Variants in BMPR1B observed in about 807,000 individuals in gnomAD.
BMPR1B encodes the protein bone morphogenetic protein receptor type-1B.
A neutral mutation model predicts 59.1 loss-of-function variants in BMPR1B; 12 were observed. The observed-to-expected ratio is 0.20, with a 90% CI of 0.13 to 0.33. BMPR1B has a LOEUF of 0.33. BMPR1B is among the 10% of genes least tolerant of loss of function. BMPR1B has a pLI of 1.00. For missense variants in BMPR1B, 550 were observed against 610.9 expected (o/e 0.90, Z 1.05); for synonymous variants, 237 against 207.3 (o/e 1.14, Z -1.23).
intron 2 of BMPR1B, among the ~76,000 whole-genome samples, chr4:94,951,904 G>C (rs908202940): frequency 6.6e-6 from 1 of 152,016 alleles, no homozygotes; most frequent in Middle Eastern, 3.2e-3. Flanking sequence ...TTTTTGGTTG[G>C]TAGGGTATTA....
chr4:94,810,435 CT>C (rs1723769361), intron 1 of BMPR1B, among the ~76,000 whole-genome samples: 1 of 151,934 alleles, frequency 6.6e-6, no homozygotes, highest in African/African-American at 2.4e-5. Flanking sequence ...TAATGATTTT[CT>C]GGAATTAAAA....
chr4:94,968,068 A>G (rs1434871726), intron 2 of BMPR1B, among the ~76,000 whole-genome samples: 2 of 152,194 alleles, frequency 1.3e-5, no homozygotes, highest in Non-Finnish European at 1.5e-5. Context: ...CTATGCTTGT[A>G]ACTTTACATT....
chr4:94,883,837 T>C (rs1727070839), intron 2 of BMPR1B, among the ~76,000 whole-genome samples: 1 of 152,176 alleles, frequency 6.6e-6, no homozygotes, highest in Non-Finnish European at 1.5e-5. Flanking sequence ...GCTCAAAGTT[T>C]CACAAGTAGA....
At chr4:95,059,987 T>G (rs2149202688) in intron 3 of BMPR1B, among the ~76,000 whole-genome samples, 1 of 152,352 alleles carries the variant, frequency 6.6e-6, no homozygotes, top group South Asian at 2.1e-4. Context: ...GAGCACTGGC[T>G]GAGCACTTGC....
At chr4:95,095,130 T>G (rs967935352) in intron 3 of BMPR1B, among the ~76,000 whole-genome samples, 1 of 151,884 alleles carries the variant, frequency 6.6e-6, no homozygotes, top group Non-Finnish European at 1.5e-5. Flanking sequence ...AATGGTTAGG[T>G]GATGAAAATG....
At chr4:95,000,768 A>G (rs1437273861) in intron 3 of BMPR1B, among the ~76,000 whole-genome samples, 3 of 152,216 alleles carry the variant, frequency 2.0e-5, no homozygotes, top group Non-Finnish European at 4.4e-5. Flanking sequence ...AAACACTACC[A>G]GCAGCACCAA....
At chr4:95,150,454 G>GAAAAAAAAAAAA (rs67483429) in intron 11 of BMPR1B, among the ~76,000 whole-genome samples, 1 of 130,898 alleles carries the variant, frequency 7.6e-6, no homozygotes, top group Non-Finnish European at 1.7e-5. Flanking sequence ...TATTTAAAAA[G>GAAAAAAAAAAAA]AAAAAAAAAA....
rs575185818 is a variant in BMPR1B, at chr4:95,072,698, T to C, written c.-17-31710T>C. Among the ~76,000 whole-genome samples the C allele has an allele frequency of 6.1e-4, 93 of 152,332 alleles. 3 individuals are homozygous for C. The highest frequency in any genetic ancestry group is 2.1e-3 in the African/African-American group (88 of 41,584). ...AGCCATTAAGAAAACTACATACTTA[T>C]GTTTTAGTTTTATCCTTTTTACATT... On this transcript the variant is annotated intron_variant, in intron 3 of 12. Transcript: ENST00000515059.
At chr4:95,005,351 T>C (rs1295035220) in intron 3 of BMPR1B, among the ~76,000 whole-genome samples, 1 of 152,132 alleles carries the variant, frequency 6.6e-6, no homozygotes, top group Non-Finnish European at 1.5e-5. Context: ...TATTAGAGCA[T>C]ACCTGAGATC....
intron 3 of BMPR1B, among the ~76,000 whole-genome samples, chr4:95,092,816 T>C (rs1357274567): frequency 2.0e-5 from 3 of 152,034 alleles, no homozygotes; most frequent in Non-Finnish European, 4.4e-5. Context: ...ATCTATAAAA[T>C]AGTTTTATAC....
chr4:95,085,306 C>G (rs1270470593), intron 3 of BMPR1B, among the ~76,000 whole-genome samples: 1 of 152,024 alleles, frequency 6.6e-6, no homozygotes, highest in Non-Finnish European at 1.5e-5. Context: ...CCTGAGACAG[C>G]AAGCAAGGAT....
chr4:94,937,445 A>T (rs1193927537), intron 2 of BMPR1B, among the ~76,000 whole-genome samples: 1 of 152,062 alleles, frequency 6.6e-6, no homozygotes, highest in Non-Finnish European at 1.5e-5. Flanking sequence ...TTTTCTCTTA[A>T]TCCTCATCCC....
intron 2 of BMPR1B, among the ~76,000 whole-genome samples, chr4:94,892,909 T>TAATTAC (rs1727454532): frequency 1.3e-5 from 2 of 152,038 alleles, no homozygotes; most frequent in African/African-American, 4.8e-5. Flanking sequence ...AACTTTGGAG[T>TAATTAC]TCAGTTTGAG....
chr4:94,908,940 AT>A (rs1728171858), intron 2 of BMPR1B, among the ~76,000 whole-genome samples: 1 of 152,076 alleles, frequency 6.6e-6, no homozygotes, highest in African/African-American at 2.4e-5. Context: ...TTTCCTCACC[AT>A]TCTGAAGACC....
At chr4:94,902,668 A>G (rs1264349890) in intron 2 of BMPR1B, among the ~76,000 whole-genome samples, 1 of 151,984 alleles carries the variant, frequency 6.6e-6, no homozygotes, top group Non-Finnish European at 1.5e-5. Context: ...GAATCATTTA[A>G]TCTTTGAGTT....
chr4:95,080,102 G>A (rs1729008551), intron 3 of BMPR1B, among the ~76,000 whole-genome samples: 1 of 152,006 alleles, frequency 6.6e-6, no homozygotes, highest in African/African-American at 2.4e-5. Context: ...GATCTCAAGA[G>A]GTTCAAAAAT....
chr4:94,866,877 C>T (rs1039162001), intron 1 of BMPR1B, among the ~76,000 whole-genome samples: 1 of 152,164 alleles, frequency 6.6e-6, no homozygotes, highest in Non-Finnish European at 1.5e-5. Flanking sequence ...CCACTGTGTC[C>T]AGCCTCATTC....
At chr4:95,052,554 G>A (rs118043854) in intron 3 of BMPR1B, among the ~76,000 whole-genome samples, 2,541 of 152,028 alleles carry the variant, frequency 0.017, 35 homozygotes, top group Middle Eastern at 0.034. Context: ...AGATTGAAAT[G>A]TATTTAAAGT....
intron 10 of BMPR1B, among the ~76,000 whole-genome samples, chr4:95,134,274 G>A (rs977795234): frequency 8.6e-5 from 13 of 152,014 alleles, no homozygotes; most frequent in Admixed American, 3.9e-4. Context: ...GTCTATCATC[G>A]ATGTACATTT....
Sources: gnomAD v4.1 joint callset for allele counts (sites outside exome capture counted in the v4.1 genomes callset) on GRCh38, gnomAD v4.1.1 for gene constraint, MANE v1.5 for transcripts, NCBI Gene and HGNC (gene_info 2026-07-23, HGNC 2026-07-21) for gene names.